Variants in ZIM2 observed in about 807,000 individuals in gnomAD.
ZIM2 encodes zinc finger protein 656.
Under a neutral mutation model 38.6 loss-of-function variants are expected in ZIM2, and 14 were observed. That is an observed-to-expected ratio of 0.36 (90% CI 0.24 to 0.57). The LOEUF (loss-of-function observed/expected upper bound fraction) is 0.57. ZIM2 is among the 20% of genes least tolerant of loss of function. The pLI, the probability that ZIM2 is intolerant of heterozygous loss-of-function variation, is 0.81. For synonymous variants in ZIM2, 247 were observed against 245.8 expected (o/e 1.00, Z -0.04); for missense variants, 680 against 695.1 (o/e 0.98, Z 0.24).
chr19:56,840,554 CG>C (rs1439092931), intron 1 of ZIM2, 27 bp downstream of exon 1: 2 of 152,432 alleles, frequency 1.3e-5, no homozygotes, highest in African/African-American at 4.8e-5. Context: ...GGGCAGGAGG[CG>C]CGCGGGGCGG....
intron 10 of ZIM2, among the ~76,000 whole-genome samples, chr19:56,784,622 C>T (rs999870100): frequency 1.3e-5 from 2 of 152,096 alleles, no homozygotes; most frequent in Non-Finnish European, 2.9e-5. Context: ...CCATCTCATA[C>T]TCTGTAACTA....
At chr19:56,786,645 T>C (rs1039529124) in intron 10 of ZIM2, among the ~76,000 whole-genome samples, 11 of 152,110 alleles carry the variant, frequency 7.2e-5, no homozygotes, top group African/African-American at 2.7e-4. Flanking sequence ...TTAGTTGAAA[T>C]AGGACGGCCA....
In ZIM2 at chr19:56,813,982, A is replaced by G. The variant is rs201746827; in HGVS notation, c.490+3764T>C. 9.9e-5 allele frequency: 159 copies of G among 1,613,902 alleles called. No individual in the cohort carries two copies. Among genetic ancestry groups the G allele is most frequent in the Middle Eastern group, 1.6e-4 (1 of 6,084 alleles). ...ATCTTCACCTTCTTCTGGGTCTTCA[A>G]TTCCCACACCGTCAGGCTCGTCGGC... On this transcript the variant is annotated intron_variant, in intron 9 of 12. Coordinates refer to ENST00000629319, the MANE Select transcript of ZIM2 (RefSeq NM_001387356.1).
At chr19:56,835,940 AG>A in intron 2 of ZIM2, 77 bp downstream of exon 2, 1 of 464,850 alleles carries the variant, frequency 2.2e-6, no homozygotes, top group Non-Finnish European at 4.3e-6. Flanking sequence ...CATATGCAGT[AG>A]GAAAGTGTCA....
At position 56,812,026 on chromosome 19, in the gene ZIM2, T is replaced by C. The variant is rs1003695501; in HGVS notation, c.490+5720A>G. The C allele has an allele frequency of 3.0e-6, 3 of 984,772 alleles. No homozygotes were observed. In the South Asian group the frequency reaches 1.4e-4, roughly 46 times the overall value. The allele number at this position is 984,772 out of a possible 1,614,324, so 61.0% of individuals were successfully genotyped here. On this transcript the variant is annotated intron_variant, in intron 9 of 12. Transcript: ENST00000629319. ...TACTTCCAAGCCCTAATCCTGCAGA[T>C]CCAGAAGAGTAAGATTCAGACACAT...
intron 7 of ZIM2, 111 bp downstream of exon 7, chr19:56,821,540 C>T: frequency 7.5e-7 from 1 of 1,335,288 alleles, no homozygotes; most frequent in Non-Finnish European, 1.0e-6. Context: ...CTGGGACTCT[C>T]ACCCCAGCTG....
rs1284541782 is a variant in ZIM2, at chr19:56,774,665, T to C, written c.*23A>G. On this transcript the variant is annotated 3_prime_UTR_variant, in exon 13 of 13. Coordinates refer to ENST00000629319, the MANE Select transcript of ZIM2 (RefSeq NM_001387356.1). ...AGGAAGCCAATAATGTTGAGAAAAG[T>C]GTGTGCTGTGACTAAAGGTTTCTCA... 1.9e-6 allele frequency: 3 copies of C among 1,605,486 alleles called. No individual in the cohort carries two copies. The highest frequency in any genetic ancestry group is 2.6e-6 in the Non-Finnish European group (3 of 1,175,010).
intron 7 of ZIM2, among the ~76,000 whole-genome samples, 170 bp downstream of exon 7, chr19:56,821,481 C>G (rs2060481440): frequency 6.6e-6 from 1 of 152,190 alleles, no homozygotes; most frequent in Non-Finnish European, 1.5e-5. Context: ...CCAGCAGCAA[C>G]CTGGGCTACT....
rs199660634 is a variant in ZIM2, at chr19:56,815,974, T to C, written c.490+1772A>G. On this transcript the variant is annotated intron_variant, in intron 9 of 12. Coordinates refer to ENST00000629319, the MANE Select transcript of ZIM2 (RefSeq NM_001387356.1). ...ACTGTATTCCCTTCCTTCAGAGGTG[T>C]TCCCTCCAGCACGAACTCTCTGATG... 7.6e-4 allele frequency: 1,204 copies of C among 1,586,784 alleles called. No individual in the cohort carries two copies. Among genetic ancestry groups the C allele is most frequent in the Non-Finnish European group, 9.9e-4 (1,152 of 1,167,342 alleles).
chr19:56,828,135 C>T (rs558987591), intron 2 of ZIM2, among the ~76,000 whole-genome samples: 8 of 152,212 alleles, frequency 5.3e-5, no homozygotes, highest in South Asian at 2.1e-4. Flanking sequence ...TGCAGGCAGC[C>T]GTAACATCTT....
Position 56,814,289 on chromosome 19 carries a change from G to C in ZIM2, c.490+3457C>G. The C allele has an allele frequency of 3.7e-6, 6 of 1,613,614 alleles. No homozygotes were observed. Among genetic ancestry groups the C allele is most frequent in the South Asian group, 1.1e-5 (1 of 90,860 alleles). On this transcript the variant is annotated intron_variant, in intron 9 of 12. Transcript: ENST00000629319. This position sits in a 1 kb window ranked among gnomAD's most constrained non-coding sequence, Gnocchi z 5.8. ...TCTACGTTTAAGCCCTGAATCCTCA[G>C]AACTACTTGTGGAACATGGACATTG...
chr19:56,824,475 G>T lies in ZIM2; in HGVS notation c.-150-48C>A, dbSNP rs1048452080. On this transcript the variant is annotated intron_variant, in intron 3 of 12. Transcript: ENST00000629319. ...TTTCGGAGTTTGATCAGGGTCTTCC[G>T]AGGCCCAACAAATTCCACATAGATT... 5 of 1,614,026 alleles carry T rather than the reference G, an allele frequency of 3.1e-6. No individual in the cohort carries two copies. The African/African-American group carries it at 4.0e-5, about 13-fold the overall frequency.
intron 12 of ZIM2, among the ~76,000 whole-genome samples, chr19:56,777,201 T>C (rs1468903030): frequency 6.6e-6 from 1 of 152,098 alleles, no homozygotes; most frequent in Non-Finnish European, 1.5e-5. Context: ...AGCCAGAACA[T>C]GGCTTAGGAA....
At chr19:56,834,372 G>A (rs1395350868) in intron 2 of ZIM2, among the ~76,000 whole-genome samples, 2 of 152,132 alleles carry the variant, frequency 1.3e-5, no homozygotes, top group African/African-American at 2.4e-5. Context: ...ACAAACCAGC[G>A]CTATTAAAGC....
chr19:56,808,660 CT>C (rs1276995605), intron 9 of ZIM2, among the ~76,000 whole-genome samples: 1 of 152,104 alleles, frequency 6.6e-6, no homozygotes, highest in Non-Finnish European at 1.5e-5. Flanking sequence ...ATGTTCATTG[CT>C]CTTCACCCTG....
intron 11 of ZIM2, among the ~76,000 whole-genome samples, chr19:56,781,651 A>ATTTTT (rs1600715405): frequency 6.6e-6 from 1 of 152,218 alleles, no homozygotes; most frequent in East Asian, 1.9e-4. Flanking sequence ...CAAAGTTAAA[A>ATTTTT]ATGTCAATAA....
chr19:56,785,680 C>T (rs1312244406), intron 10 of ZIM2, among the ~76,000 whole-genome samples: 2 of 152,162 alleles, frequency 1.3e-5, no homozygotes, highest in Admixed American at 6.5e-5. Context: ...AAAGTACATT[C>T]CAGCCCTTGA....
At chr19:56,797,771 T>C (rs1169592866) in intron 9 of ZIM2, among the ~76,000 whole-genome samples, 1 of 152,068 alleles carries the variant, frequency 6.6e-6, no homozygotes, top group East Asian at 1.9e-4. Context: ...TTGGAAGAAA[T>C]CTCCATTATG....
At chr19:56,795,407 C>A (rs1049396254) in intron 9 of ZIM2, among the ~76,000 whole-genome samples, 12 of 152,352 alleles carry the variant, frequency 7.9e-5, no homozygotes, top group African/African-American at 2.9e-4. Flanking sequence ...CCCGCCCAGG[C>A]CCCTGGCTGG....
Sources: allele counts gnomAD v4.1 joint callset (sites outside exome capture counted in the v4.1 genomes callset), GRCh38; gene constraint gnomAD v4.1.1; non-coding constraint Gnocchi (gnomAD v3.1); transcripts MANE v1.5; gene names NCBI Gene and HGNC (gene_info 2026-07-23, HGNC 2026-07-21).